The following MTX2 variants were observed in gnomAD, a reference collection of about 807,000 sequenced individuals.
MTX2 encodes the protein metaxin-2.
A neutral mutation model predicts 42.3 loss-of-function variants in MTX2; 35 were observed. That is an observed-to-expected ratio of 0.83 (90% CI 0.63 to 1.10). The LOEUF is 1.10. Among genes scored for constraint, MTX2 ranks in the 50% least tolerant of loss-of-function variants. The pLI, the probability that MTX2 is intolerant of heterozygous loss-of-function variation, is 0.00. For missense variants in MTX2, 307 were observed against 304.1 expected, an observed-to-expected ratio of 1.01 and a Z score of -0.07; for synonymous variants, 119 against 100.9, an observed-to-expected ratio of 1.18 and a Z score of -1.08.
At chr2:176,273,819 T>C (rs1692880428) in intron 1 of MTX2, among the ~76,000 whole-genome samples, 1 of 152,196 alleles carries the variant, frequency 6.6e-6, no homozygotes, top group Non-Finnish European at 1.5e-5. Context: ...CTGAATTGAT[T>C]TCTCTGCTTC....
At chr2:176,304,998 T>G (rs1226115548) in intron 3 of MTX2, among the ~76,000 whole-genome samples, 1 of 152,100 alleles carries the variant, frequency 6.6e-6, no homozygotes, top group Admixed American at 6.6e-5. Context: ...ATCTAATCTT[T>G]AAAAACTTAT....
intron 4 of MTX2, among the ~76,000 whole-genome samples, chr2:176,326,121 A>G (rs1008581160): frequency 1.3e-5 from 2 of 151,780 alleles, no homozygotes; most frequent in Non-Finnish European, 2.9e-5. Flanking sequence ...CTCATCTCTA[A>G]TAATTCCAAG....
intron 3 of MTX2, among the ~76,000 whole-genome samples, chr2:176,305,979 A>G (rs1229095835): frequency 6.6e-6 from 1 of 152,146 alleles, no homozygotes; most frequent in African/African-American, 2.4e-5. Flanking sequence ...TTTGATACAT[A>G]GGTACACATG....
intron 1 of MTX2, among the ~76,000 whole-genome samples, chr2:176,286,997 G>T (rs1693219946): frequency 6.6e-6 from 1 of 152,140 alleles, no homozygotes; most frequent in Non-Finnish European, 1.5e-5. Context: ...ATACACTGTC[G>T]TGTATGTTTT....
intron 3 of MTX2, among the ~76,000 whole-genome samples, chr2:176,323,155 T>TATAC (rs1186804265): frequency 1.3e-5 from 2 of 151,898 alleles, no homozygotes; most frequent in Admixed American, 1.3e-4. Flanking sequence ...ATTCCTTAGG[T>TATAC]ATACATACAT....
chr2:176,328,094 A>G (rs1446530690), intron 5 of MTX2, among the ~76,000 whole-genome samples, 199 bp from the exon 6 acceptor site: 1 of 151,230 alleles, frequency 6.6e-6, no homozygotes, highest in Non-Finnish European at 1.5e-5. Context: ...CATTTGTATA[A>G]TGACAAGTAA....
chr2:176,324,902 A>G (rs2105441244), intron 4 of MTX2, among the ~76,000 whole-genome samples: 2 of 151,724 alleles, frequency 1.3e-5, no homozygotes, highest in Middle Eastern at 6.8e-3. Flanking sequence ...TAATGATTTG[A>G]GGTGATAGGG....
chr2:176,271,134 T>G (rs1296216768), intron 1 of MTX2, among the ~76,000 whole-genome samples: 1 of 152,204 alleles, frequency 6.6e-6, no homozygotes, highest in East Asian at 1.9e-4. Flanking sequence ...TTTGTCTGTC[T>G]GCCGTCTTAG....
At position 176,335,958 on chromosome 2, in the gene MTX2, G is replaced by A. The variant is rs563026012; in HGVS notation, c.621-1535G>A. ...CAGTGGCATCAAGATGGTATTTAAA[G>A]CCATGCATCTCTAGGAGACTACTTA... On this transcript the variant is annotated intron_variant, in intron 9 of 9. Coordinates refer to ENST00000249442, the MANE Select transcript of MTX2 (RefSeq NM_006554.5). Among the ~76,000 whole-genome samples, 6 of 152,166 alleles carry A rather than the reference G, an allele frequency of 3.9e-5. No individual in the cohort carries two copies. In the South Asian group the frequency reaches 1.2e-3, roughly 32 times the overall value.
intron 9 of MTX2, among the ~76,000 whole-genome samples, chr2:176,334,560 AT>A (rs879363172): frequency 6.8e-5 from 10 of 147,876 alleles, no homozygotes; most frequent in African/African-American, 1.2e-4. Context: ...GACCCTTGAG[AT>A]TTTTTTTTTT....
intron 1 of MTX2, among the ~76,000 whole-genome samples, chr2:176,287,897 C>CA (rs1223337532): frequency 7.1e-6 from 1 of 140,252 alleles, no homozygotes; most frequent in African/African-American, 2.6e-5. Context: ...ATACTGACTG[C>CA]TTTTTTTTTT....
chr2:176,283,434 G>A (rs1020830605), intron 1 of MTX2, among the ~76,000 whole-genome samples: 4 of 152,108 alleles, frequency 2.6e-5, no homozygotes, highest in Admixed American at 1.3e-4. Context: ...ATACTCTTAA[G>A]GAAATTCTTG....
At chr2:176,279,131 A>G (rs917582218) in intron 1 of MTX2, among the ~76,000 whole-genome samples, 9 of 152,150 alleles carry the variant, frequency 5.9e-5, no homozygotes, top group African/African-American at 2.2e-4. Flanking sequence ...TTTGCTGATC[A>G]TATATTTTAT....
intron 3 of MTX2, among the ~76,000 whole-genome samples, chr2:176,305,648 T>C: frequency 6.6e-6 from 1 of 152,266 alleles, no homozygotes; most frequent in Non-Finnish European, 1.5e-5. Flanking sequence ...AGCTTATATC[T>C]TTCTCTATTC....
At chr2:176,280,817 A>G (rs1012862081) in intron 1 of MTX2, among the ~76,000 whole-genome samples, 2 of 152,240 alleles carry the variant, frequency 1.3e-5, no homozygotes, top group African/African-American at 4.8e-5. Flanking sequence ...AACATTTAAC[A>G]TCAAGAGAAA....
intron 2 of MTX2, among the ~76,000 whole-genome samples, chr2:176,297,509 G>A (rs1223365881): frequency 2.0e-5 from 3 of 152,070 alleles, no homozygotes; most frequent in South Asian, 4.1e-4. Context: ...TTATATTATT[G>A]TGAATGCTTT....
At chr2:176,277,082 C>A (rs1285848016) in intron 1 of MTX2, among the ~76,000 whole-genome samples, 1 of 152,086 alleles carries the variant, frequency 6.6e-6, no homozygotes, top group East Asian at 1.9e-4. Flanking sequence ...TTGCAGCGTT[C>A]CATGGAACCC....
At chr2:176,327,020 G>T in intron 5 of MTX2, 119 bp downstream of exon 5, 3 of 527,934 alleles carry the variant, frequency 5.7e-6, no homozygotes, top group South Asian at 4.2e-5. Flanking sequence ...GCAAACTACT[G>T]GAAAATATTT....
chr2:176,301,435 T>C (rs371415741), intron 3 of MTX2, among the ~76,000 whole-genome samples: 1 of 152,170 alleles, frequency 6.6e-6, no homozygotes, highest in African/African-American at 2.4e-5. Context: ...TTAATCCTTA[T>C]AACAACTGTA....
Sources: allele counts gnomAD v4.1 joint callset (sites outside exome capture counted in the v4.1 genomes callset), GRCh38; gene constraint gnomAD v4.1.1; transcripts MANE v1.5; gene names NCBI Gene and HGNC (gene_info 2026-07-23, HGNC 2026-07-21).